Variants in ANKRD36C observed in about 807,000 individuals in gnomAD.
ANKRD36C encodes the protein ankyrin repeat domain-containing protein 36C.
In ANKRD36C, 61 loss-of-function variants were observed where a neutral mutation model predicts 276.4. The ratio of observed to expected loss-of-function variants is 0.22; its 90% CI spans 0.18 to 0.27. The LOEUF (loss-of-function observed/expected upper bound fraction) is 0.27, where lower values mean the gene tolerates loss of function less well. ANKRD36C is among the 10% of genes least tolerant of loss of function. ANKRD36C has a pLI of 1.00. For synonymous variants in ANKRD36C, 483 were observed against 680.1 expected (o/e 0.71, Z 4.51); for missense variants, 1,447 against 2,032.3 (o/e 0.71, Z 5.54).
At chr2:95,914,565 C>A (rs1677034637) in intron 38 of ANKRD36C, among the ~76,000 whole-genome samples, 3 of 151,400 alleles carry the variant, frequency 2.0e-5, no homozygotes, top group East Asian at 2.0e-4. Context: ...CCGTGTCAAT[C>A]TCAATGTGCA....
At chr2:95,966,246 C>T (rs1678588680) in intron 6 of ANKRD36C, among the ~76,000 whole-genome samples, 1 of 152,194 alleles carries the variant, frequency 6.6e-6, no homozygotes. Context: ...TTTGCCCATG[C>T]CTATGTCCTG....
intron 60 of ANKRD36C, among the ~76,000 whole-genome samples, chr2:95,864,685 T>C (rs2259092): frequency 2.6e-5 from 4 of 152,138 alleles, no homozygotes; most frequent in South Asian, 2.1e-4. Context: ...GCTTCTTGTC[T>C]GATAAGCTTT....
intron 6 of ANKRD36C, among the ~76,000 whole-genome samples, chr2:95,974,161 A>G (rs1440783124): frequency 2.0e-5 from 3 of 152,222 alleles, no homozygotes; most frequent in Non-Finnish European, 2.9e-5. Context: ...AAGAAATATA[A>G]TACCAGAAAA....
intron 36 of ANKRD36C, among the ~76,000 whole-genome samples, 152 bp from the exon 39 acceptor site, chr2:95,916,323 A>T (rs1393039134): frequency 5.3e-5 from 8 of 151,570 alleles, no homozygotes; most frequent in Admixed American, 3.3e-4. Flanking sequence ...CTAGAACATG[A>T]CAGAAATACA....
chr2:95,902,471 T>C (rs549538786), intron 42 of ANKRD36C, among the ~76,000 whole-genome samples: 4 of 147,784 alleles, frequency 2.7e-5, no homozygotes, highest in South Asian at 4.2e-4. Flanking sequence ...GGGGTCTCCT[T>C]AGTTCTCCTA....
At position 95,929,813 on chromosome 2, in the gene ANKRD36C, G is replaced by A. The variant is rs1253662549; in HGVS notation, c.1736-546C>T. On this transcript the variant is annotated intron_variant, in intron 24 of 66. Coordinates refer to ENST00000456556, the Ensembl canonical transcript of ANKRD36C. The stretch of plus-strand genomic sequence containing the variant: ...TAATCAGCTTGGATATATGTTTGGT[G>A]AATTCTAGTATGTAATATTCATTAT... Among the ~76,000 whole-genome samples the A allele has an allele frequency of 8.6e-5, 13 of 151,502 alleles. No individual in the cohort carries two copies. In the East Asian group the frequency reaches 1.8e-3, roughly 20 times the overall value.
Position 95,921,487 on chromosome 2 carries a change from T to C in ANKRD36C, c.2245+120A>G, listed in dbSNP as rs188537062. On this transcript the variant is annotated intron_variant, in intron 34 of 66. Transcript: ENST00000456556. Reference sequence around the variant, plus strand: ...TACAAATGAAGACTCTCAGGCCTACTGAATCAGAATGTGCAGCTTCGGCGA... The same window carrying C: ...TACAAATGAAGACTCTCAGGCCTACCGAATCAGAATGTGCAGCTTCGGCGA... 517 of 1,369,740 alleles carry C rather than the reference T, an allele frequency of 3.8e-4. 3 individuals are homozygous for C. The East Asian group carries it at 0.011, about 30-fold the overall frequency. 84.8% of individuals were successfully genotyped at this position (1,369,740 alleles called of 1,614,324 possible). A position where few individuals can be genotyped will look rare whatever the true frequency, so the allele number is the denominator to read the frequency against.
chr2:95,990,373 C>T (rs1254108080), intron 1 of ANKRD36C, among the ~76,000 whole-genome samples: 2 of 152,158 alleles, frequency 1.3e-5, no homozygotes, highest in African/African-American at 4.8e-5. Context: ...ACCGCAATTG[C>T]TTTTGCACCA....
At chr2:95,918,021 G>T (rs774396831) in exon 35 of ANKRD36C, 9 of 1,600,682 alleles carry the variant, frequency 5.6e-6, no homozygotes, top group Admixed American at 5.2e-5. Context: ...TACCTTCAAG[G>T]CTGGTTGTTT....
chr2:95,893,560 T>G (rs766782762), intron 44 of ANKRD36C: 98 of 1,556,032 alleles, frequency 6.3e-5, no homozygotes, highest in Non-Finnish European at 7.7e-5. Flanking sequence ...CCATCCTTTT[T>G]TTCTCTGGCT....
chr2:95,973,149 C>T (rs1249738612), intron 6 of ANKRD36C, among the ~76,000 whole-genome samples: 3 of 151,676 alleles, frequency 2.0e-5, no homozygotes, highest in Non-Finnish European at 2.9e-5. Flanking sequence ...GGCGGTGGCT[C>T]ACACCTGTAA....
rs537149741 is a variant in ANKRD36C at position 95,945,764 on chromosome 2, C to T, written c.1363-590G>A. On this transcript the variant is annotated intron_variant, in intron 17 of 66. Coordinates refer to ENST00000456556, the Ensembl canonical transcript of ANKRD36C. ...CAATGATTCATGAATGAAGGCCACA[C>T]ATAGTTACTAAATAGAAAGCTGTAA... Among the ~76,000 whole-genome samples, 93 of 152,392 alleles carry T rather than the reference C, an allele frequency of 6.1e-4. No homozygotes were observed. The Middle Eastern group carries it at 0.01, about 17-fold the overall frequency.
In ANKRD36C at chr2:95,870,949, G is replaced by T. The variant is rs1237850829; in HGVS notation, c.3541-3368C>A. Among the ~76,000 whole-genome samples the T allele has an allele frequency of 5.9e-5, 9 of 152,242 alleles. No individual in the cohort carries two copies. In the East Asian group the frequency reaches 1.7e-3, roughly 29 times the overall value. ...AGATGAAATGAATGAAATGAAACGA[G>T]AAGGGAAGTTGAGAGAAAAAAGAAT... is the stretch of plus-strand genomic sequence containing the variant. On this transcript the variant is annotated intron_variant, in intron 59 of 66. Transcript: ENST00000456556.
Position 95,982,373 on chromosome 2 carries a change from A to C in ANKRD36C, c.487-11T>G. ...TGGCGGATATTCATCCTGTAAAATA[A>C]CAGCAACAATTTATAATCACAAAAT... On this transcript the variant is annotated splice_polypyrimidine_tract_variant and intron_variant, in intron 3 of 66. Transcript: ENST00000456556. The C allele has an allele frequency of 6.6e-7, 1 of 1,523,992 alleles. No homozygotes were observed. Among genetic ancestry groups the C allele is most frequent in the Non-Finnish European group, 8.9e-7 (1 of 1,128,794 alleles). 94.4% of individuals were successfully genotyped at this position (1,523,992 alleles called of 1,614,324 possible).
At chr2:95,984,959 A>T (rs1020816701) in intron 3 of ANKRD36C, among the ~76,000 whole-genome samples, 3 of 152,200 alleles carry the variant, frequency 2.0e-5, no homozygotes, top group African/African-American at 7.2e-5. Flanking sequence ...CTAGGTACTT[A>T]ACTGACATAC....
chr2:95,914,122 T>G, exon 40 of ANKRD36C: 1 of 1,572,774 alleles, frequency 6.4e-7, no homozygotes, highest in Non-Finnish European at 8.6e-7. Context: ...CCTAGTTTTT[T>G]CTCCATCCTC....
intron 22 of ANKRD36C, among the ~76,000 whole-genome samples, chr2:95,938,571 G>A (rs1677782625): frequency 6.6e-6 from 1 of 152,080 alleles, no homozygotes; most frequent in Non-Finnish European, 1.5e-5. Context: ...TCCCTAACAT[G>A]CAAAGGAATT....
At position 95,971,410 on chromosome 2, in the gene ANKRD36C, G is replaced by A. The variant is rs199539367; in HGVS notation, c.799+6712C>T. ...AGATATTGATAATGGGGGGAGCTAT[G>A]CATGTGAGGGGGGATGGCGTATATC... On this transcript the variant is annotated intron_variant, in intron 6 of 66. Coordinates refer to ENST00000456556, the Ensembl canonical transcript of ANKRD36C. Among the ~76,000 whole-genome samples the A allele has an allele frequency of 1.0e-4, 15 of 150,732 alleles. No homozygotes were observed. The East Asian group carries it at 3.0e-3, about 30-fold the overall frequency.
intron 50 of ANKRD36C, 60 bp downstream of exon 70, chr2:95,887,865 G>A (rs1676236385): frequency 1.3e-6 from 2 of 1,540,440 alleles, no homozygotes; most frequent in African/African-American, 2.7e-5. Flanking sequence ...TTTGTTCGGG[G>A]AAGAGAAGTA....
Sources: gnomAD v4.1 joint callset for allele counts (sites outside exome capture counted in the v4.1 genomes callset) on GRCh38, gnomAD v4.1.1 for gene constraint, MANE v1.5 for transcripts, NCBI Gene and HGNC (gene_info 2026-07-23, HGNC 2026-07-21) for gene names.